Variants in KCNK9 observed in about 807,000 individuals in gnomAD.
KCNK9 encodes the protein potassium channel subfamily K member 9.
A neutral mutation model predicts 10.8 loss-of-function variants in KCNK9; 1 was observed. That is an observed-to-expected ratio of 0.09 (90% confidence interval 0.03 to 0.44). The LOEUF is 0.44. Among genes scored for constraint, KCNK9 ranks in the 20% least tolerant of loss-of-function variants. KCNK9 has a pLI of 0.97. For missense variants in KCNK9, 303 were observed against 515.0 expected, an observed-to-expected ratio of 0.59 and a Z score of 3.98; for synonymous variants, 231 against 222.7, an observed-to-expected ratio of 1.04 and a Z score of -0.33.
chr8:139,662,297 G>C (rs1233564005), intron 1 of KCNK9, among the ~76,000 whole-genome samples: 2 of 152,186 alleles, frequency 1.3e-5, no homozygotes, highest in African/African-American at 2.4e-5. Context: ...AGCCACAGCA[G>C]GGACTCAGAT....
At chr8:139,700,090 A>C (rs575162956) in intron 1 of KCNK9, among the ~76,000 whole-genome samples, 8 of 152,306 alleles carry the variant, frequency 5.3e-5, no homozygotes, top group South Asian at 2.1e-4. Flanking sequence ...AAAAGAAAAA[A>C]AAACAAACAG....
downstream of KCNK9, chr8:139,611,953 A>G (rs1814439091): frequency 6.6e-6 from 1 of 152,238 alleles, no homozygotes; most frequent in Non-Finnish European, 1.5e-5. Flanking sequence ...CGTCTGGGGC[A>G]CTGCCCAGTG....
exon 3 of KCNK9, chr8:139,601,416 C>T (rs1020386869): frequency 4.6e-5 from 7 of 152,178 alleles, no homozygotes; most frequent in Admixed American, 1.3e-4. Context: ...TGGTTCCTTA[C>T]AGCCACCAGC....
At chr8:139,614,519 G>A (rs1376583250), downstream of KCNK9, among the ~76,000 whole-genome samples, 1 of 152,220 alleles carries the variant, frequency 6.6e-6, no homozygotes, top group African/African-American at 2.4e-5. Context: ...GGGTTCACAT[G>A]TAGAGCCAGG....
intron 1 of KCNK9, among the ~76,000 whole-genome samples, chr8:139,660,890 C>T (rs1239467360): frequency 6.6e-6 from 1 of 152,178 alleles, no homozygotes; most frequent in African/African-American, 2.4e-5. Flanking sequence ...GACCCAGTTG[C>T]TTCCACTTTG....
intron 1 of KCNK9, among the ~76,000 whole-genome samples, chr8:139,672,379 C>T (rs62520197): frequency 0.011 from 1,601 of 152,260 alleles, 18 homozygotes; most frequent in Middle Eastern, 0.02. Flanking sequence ...GCTCTGGGGC[C>T]CCTGTAACCT....
intron 1 of KCNK9, among the ~76,000 whole-genome samples, chr8:139,681,497 C>A (rs983740): frequency 0.54 from 82,510 of 152,150 alleles, 22,669 homozygotes; most frequent in Admixed American, 0.59. Context: ...GGGCGGAGCC[C>A]GGTGGGTGAG....
At chr8:139,675,765 A>T (rs1324697065) in intron 1 of KCNK9, among the ~76,000 whole-genome samples, 1 of 145,620 alleles carries the variant, frequency 6.9e-6, no homozygotes, top group African/African-American at 2.6e-5. Context: ...CTCACTTCCC[A>T]TTCATTTTTC....
At chr8:139,644,722 C>CA (rs893939575) in intron 1 of KCNK9, among the ~76,000 whole-genome samples, 15 of 144,836 alleles carry the variant, frequency 1.0e-4, no homozygotes, top group Admixed American at 3.4e-4. Context: ...CTGTCCCCCC[C>CA]CCCCAGAGCC....
chr8:139,627,608 G>A (rs916830602), intron 1 of KCNK9, among the ~76,000 whole-genome samples: 2 of 152,196 alleles, frequency 1.3e-5, no homozygotes, highest in African/African-American at 4.8e-5. Flanking sequence ...TACCCGGAGT[G>A]AGCCCAGCTC....
At chr8:139,644,726 C>A (rs556978018) in intron 1 of KCNK9, among the ~76,000 whole-genome samples, 48 of 147,732 alleles carry the variant, frequency 3.2e-4, no homozygotes, top group African/African-American at 1.2e-3. Flanking sequence ...CCCCCCCCCC[C>A]AGAGCCTCCC....
At chr8:139,699,427 T>TG (rs1817144744) in intron 1 of KCNK9, among the ~76,000 whole-genome samples, 1 of 152,080 alleles carries the variant, frequency 6.6e-6, no homozygotes, top group Non-Finnish European at 1.5e-5. Context: ...GGGCGGGGGT[T>TG]GGGGGGAAAC....
At chr8:139,608,476 A>C (rs1814307455), downstream of KCNK9, among the ~76,000 whole-genome samples, 1 of 152,200 alleles carries the variant, frequency 6.6e-6, no homozygotes. Context: ...TTTGAGCATC[A>C]CTGTGCTTCT....
At chr8:139,677,585 G>T (rs1816576566) in intron 1 of KCNK9, among the ~76,000 whole-genome samples, 1 of 104,342 alleles carries the variant, frequency 9.6e-6, no homozygotes, top group Non-Finnish European at 2.1e-5. Context: ...AAAAAATAAA[G>T]GAGGTGTTCC....
chr8:139,686,975 G>A (rs1354083951), intron 1 of KCNK9, among the ~76,000 whole-genome samples: 1 of 152,074 alleles, frequency 6.6e-6, no homozygotes, highest in African/African-American at 2.4e-5. Flanking sequence ...GTCAGTGCAT[G>A]AAGGGAGGAA....
intron 1 of KCNK9, among the ~76,000 whole-genome samples, chr8:139,697,572 G>A (rs763882347): frequency 2.0e-5 from 3 of 152,066 alleles, no homozygotes; most frequent in African/African-American, 4.8e-5. Flanking sequence ...GTGAATAACC[G>A]CTGCATGGAG....
Position 139,702,611 on chromosome 8 carries a change from A to T in KCNK9, c.283+99T>A. 2 of 1,266,994 alleles carry T rather than the reference A, an allele frequency of 1.6e-6. No homozygotes were observed. The highest frequency in any genetic ancestry group is 2.2e-6 in the Non-Finnish European group (2 of 930,132). The allele number at this position is 1,266,994 out of a possible 1,614,324, so 78.5% of individuals were successfully genotyped here. On this transcript the variant is annotated intron_variant, in intron 1 of 1. Transcript: ENST00000520439. The surrounding 1 kb of genome is among the most constrained non-coding windows in gnomAD (Gnocchi z 7.5). ...AAGGCCCCCAAGGGAGGCTGCGTTT[A>T]ACCCTCGACGCCCTGCACCCAGCCC...
At chr8:139,648,719 C>T (rs1191461318) in intron 1 of KCNK9, among the ~76,000 whole-genome samples, 1 of 152,246 alleles carries the variant, frequency 6.6e-6, no homozygotes, top group Non-Finnish European at 1.5e-5. Context: ...GACGCGGCCC[C>T]TGCCCTCAAA....
chr8:139,653,328 A>G (rs1481441204), intron 1 of KCNK9, among the ~76,000 whole-genome samples: 3 of 152,156 alleles, frequency 2.0e-5, no homozygotes, highest in Non-Finnish European at 4.4e-5. Flanking sequence ...TAATCAAAAC[A>G]GTACCTAAAA....
Sources: gnomAD v4.1 joint callset for allele counts (sites outside exome capture counted in the v4.1 genomes callset) on GRCh38, gnomAD v4.1.1 for gene constraint, Gnocchi (gnomAD v3.1) non-coding constraint, MANE v1.5 for transcripts, NCBI Gene and HGNC (gene_info 2026-07-23, HGNC 2026-07-21) for gene names.